Variants in SORBS2 observed in about 807,000 individuals in gnomAD.
SORBS2 encodes sorbin and SH3 domain containing 2.
A neutral mutation model predicts 97.7 loss-of-function variants in SORBS2; 46 were observed. That is an observed-to-expected ratio of 0.47 (90% CI 0.37 to 0.60). The LOEUF (loss-of-function observed/expected upper bound fraction) is 0.60. Ranked by LOEUF, SORBS2 falls within the 20% of genes least tolerant of loss-of-function variation. The pLI is 0.00. For missense variants in SORBS2, 1,316 were observed against 1,282.3 expected (o/e 1.03, Z -0.40); for synonymous variants, 476 against 473.4 (o/e 1.01, Z -0.07).
chr4:185,860,566 C>T (rs2099223136), intron 1 of SORBS2, among the ~76,000 whole-genome samples: 6 of 152,116 alleles, frequency 3.9e-5, no homozygotes, highest in African/African-American at 1.4e-4. Context: ...TTGTTCTGAG[C>T]CAAATGTGAG....
In SORBS2 at chr4:185,705,816, A is replaced by G. The variant is rs182612060; in HGVS notation, c.-197-26994T>C. ...GAGGATTCCCCTCATTTGCCATTAC[A>G]GTCCACCCCTTGGCTCTTCTAGTCT... is the stretch of plus-strand genomic sequence containing the variant. On this transcript the variant is annotated intron_variant, in intron 2 of 20. Transcript: ENST00000284776. 3.5e-4 allele frequency among the ~76,000 whole-genome samples: 54 copies of G among 152,290 alleles called. No homozygotes were observed. In the East Asian group the frequency reaches 6.6e-3, roughly 19 times the overall value.
intron 2 of SORBS2, among the ~76,000 whole-genome samples, chr4:185,717,972 G>A (rs993389542): frequency 5.3e-5 from 8 of 152,310 alleles, no homozygotes; most frequent in African/African-American, 1.9e-4. Flanking sequence ...CGGGCGCAGT[G>A]GCTCACGCCT....
chr4:185,917,536 C>T (rs992139167), intron 1 of SORBS2, among the ~76,000 whole-genome samples: 1 of 152,176 alleles, frequency 6.6e-6, no homozygotes. Flanking sequence ...CCCATAATAT[C>T]CTTTATAATA....
At chr4:185,706,787 G>A (rs2098348577) in intron 2 of SORBS2, among the ~76,000 whole-genome samples, 1 of 152,056 alleles carries the variant, frequency 6.6e-6, no homozygotes, top group Admixed American at 6.5e-5. Flanking sequence ...ATGATATAAT[G>A]CTGCATATAA....
chr4:185,912,389 A>G (rs1183987855), intron 1 of SORBS2, among the ~76,000 whole-genome samples: 5 of 151,984 alleles, frequency 3.3e-5, no homozygotes, highest in African/African-American at 1.2e-4. Flanking sequence ...GTTCGAGACC[A>G]GCCTGGCCAA....
intron 2 of SORBS2, chr4:185,770,980 T>TTTTTG: frequency 7.2e-6 from 1 of 139,088 alleles, no homozygotes; most frequent in Non-Finnish European, 1.6e-5. Context: ...GTTTCCTTTT[T>TTTTTG]TTTTTTTTTT....
intron 11 of SORBS2, among the ~76,000 whole-genome samples, chr4:185,613,554 G>A (rs920250406): frequency 1.2e-4 from 18 of 151,220 alleles, no homozygotes; most frequent in African/African-American, 4.4e-4. Flanking sequence ...AGGCTGAGGT[G>A]GGAGAATCGC....
chr4:185,683,894 A>G (rs1256702713), intron 2 of SORBS2, among the ~76,000 whole-genome samples: 1 of 152,210 alleles, frequency 6.6e-6, no homozygotes, highest in Admixed American at 6.5e-5. Flanking sequence ...TGTGATATGC[A>G]TAATGAGAAT....
chr4:185,909,456 G>A lies in SORBS2; in HGVS notation c.-338+46740C>T, dbSNP rs1282004020. On this transcript the variant is annotated intron_variant, in intron 1 of 20. Transcript: ENST00000284776. The stretch of plus-strand genomic sequence containing the variant: ...GACAATGTACATTATCTGGGTGATG[G>A]ATCTACCAAAAGCCCAGACTTCACC... Among the ~76,000 whole-genome samples the A allele has an allele frequency of 3.3e-5, 5 of 151,988 alleles. No individual in the cohort carries two copies. The East Asian group carries it at 9.7e-4, about 29-fold the overall frequency.
chr4:185,741,857 T>G (rs78626398), intron 2 of SORBS2, among the ~76,000 whole-genome samples: 7,522 of 152,330 alleles, frequency 0.049, 446 homozygotes, highest in East Asian at 0.21. Flanking sequence ...TGCTTGTCCT[T>G]TGAGGTAAGT....
At chr4:185,851,017 C>T (rs953668991) in intron 1 of SORBS2, among the ~76,000 whole-genome samples, 5 of 152,162 alleles carry the variant, frequency 3.3e-5, no homozygotes, top group Non-Finnish European at 7.4e-5. Flanking sequence ...GACTGAGACA[C>T]CAACGGCTTT....
chr4:185,823,436 G>T (rs1356772555), intron 1 of SORBS2, among the ~76,000 whole-genome samples: 1 of 152,098 alleles, frequency 6.6e-6, no homozygotes, highest in Non-Finnish European at 1.5e-5. Flanking sequence ...AAGACAGGAG[G>T]TACACTCAAC....
intron 2 of SORBS2, among the ~76,000 whole-genome samples, chr4:185,723,337 G>A (rs2098531021): frequency 6.6e-6 from 1 of 152,182 alleles, no homozygotes; most frequent in South Asian, 2.1e-4. Context: ...ACAGTTTTAT[G>A]TCTTTGGAGA....
At chr4:185,641,993 C>A (rs1040505523) in intron 4 of SORBS2, among the ~76,000 whole-genome samples, 3 of 152,116 alleles carry the variant, frequency 2.0e-5, no homozygotes, top group Non-Finnish European at 2.9e-5. Flanking sequence ...GAGGCATGTG[C>A]TTTCTATACG....
At chr4:185,704,789 T>C (rs1054910962) in intron 2 of SORBS2, among the ~76,000 whole-genome samples, 4 of 152,238 alleles carry the variant, frequency 2.6e-5, no homozygotes, top group Admixed American at 6.5e-5. Flanking sequence ...ACAGTTCATT[T>C]GCCCAAGAGA....
chr4:185,948,224 A>G (rs2099275472), intron 1 of SORBS2, among the ~76,000 whole-genome samples: 1 of 152,132 alleles, frequency 6.6e-6, no homozygotes, highest in African/African-American at 2.4e-5. Flanking sequence ...GCAGCAGACC[A>G]TCCTGGTTTA....
rs1323320372 is a variant in SORBS2 at position 185,925,039 on chromosome 4, A to C, written c.-338+31157T>G. Among the ~76,000 whole-genome samples, 3 of 152,338 alleles carry C rather than the reference A, an allele frequency of 2.0e-5. No individual in the cohort carries two copies. In the East Asian group the frequency reaches 5.8e-4, roughly 29 times the overall value. On this transcript the variant is annotated intron_variant, in intron 1 of 20. Transcript: ENST00000284776. The stretch of plus-strand genomic sequence containing the variant: ...AGCATTAAAACAATGGCCATATTCA[A>C]GCCAAAAAGTTGCCACTGATTGAGT...
chr4:185,833,509 A>G (rs2099206279), intron 1 of SORBS2, among the ~76,000 whole-genome samples: 1 of 152,246 alleles, frequency 6.6e-6, no homozygotes, highest in African/African-American at 2.4e-5. Context: ...TGTAATTAAT[A>G]TATGCCTTAA....
At chr4:185,611,963 A>G (rs774110001) in exon 12 of SORBS2, 2 of 1,606,212 alleles carry the variant, frequency 1.2e-6, no homozygotes, top group Non-Finnish European at 1.7e-6. Context: ...CTCTTTTAAG[A>G]AGAATAACTC....
Sources: allele counts gnomAD v4.1 joint callset (sites outside exome capture counted in the v4.1 genomes callset), GRCh38; gene constraint gnomAD v4.1.1; transcripts MANE v1.5; gene names NCBI Gene and HGNC (gene_info 2026-07-23, HGNC 2026-07-21).